SLC9B2: variants seen among roughly 807,000 people sequenced by gnomAD.
SLC9B2 encodes solute carrier family 9 member B2.
In SLC9B2, 39 loss-of-function variants were observed where a neutral mutation model predicts 52.2. That is an observed-to-expected ratio of 0.75 (90% CI 0.58 to 0.98). The LOEUF (loss-of-function observed/expected upper bound fraction) is 0.98. SLC9B2 is among the 50% of genes least tolerant of loss of function. The pLI, the probability that SLC9B2 is intolerant of heterozygous loss-of-function variation, is 0.00. For synonymous variants in SLC9B2, 214 were observed against 227.0 expected, an observed-to-expected ratio of 0.94 and a Z score of 0.51; for missense variants, 626 against 637.5, an observed-to-expected ratio of 0.98 and a Z score of 0.19.
At chr4:103,045,291 A>G (rs1043177495) in intron 7 of SLC9B2, among the ~76,000 whole-genome samples, 2 of 152,146 alleles carry the variant, frequency 1.3e-5, no homozygotes, top group Admixed American at 1.3e-4. Context: ...AAATGTACTA[A>G]CTGGTTTCTG....
At position 103,023,471 on chromosome 4, in the gene SLC9B2, G is replaced by A. The variant is rs1347189641; in HGVS notation, c.*2899C>T. On this transcript the variant is annotated 3_prime_UTR_variant, in exon 12 of 12. Coordinates refer to ENST00000394785, the MANE Select transcript of SLC9B2 (RefSeq NM_178833.7). Reference sequence around the variant, plus strand: ...TTCACCAACCAAGTCAAGAGATGTGGCTTTCAATGTGGTGACAAACCCCGG... The same window carrying A: ...TTCACCAACCAAGTCAAGAGATGTGACTTTCAATGTGGTGACAAACCCCGG... Among the ~76,000 whole-genome samples the A allele has an allele frequency of 6.6e-6, 1 of 152,168 alleles. No homozygotes were observed. The highest frequency in any genetic ancestry group is 2.4e-5 in the African/African-American group (1 of 41,428).
At chr4:103,076,090 C>A (rs943765309) in intron 1 of SLC9B2, 94 bp downstream of exon 1, 1 of 152,310 alleles carries the variant, frequency 6.6e-6, no homozygotes. Flanking sequence ...AAAGGCTGGG[C>A]CCCTCGCTCG....
At chr4:103,063,420 C>T (rs984087325) in intron 3 of SLC9B2, among the ~76,000 whole-genome samples, 3 of 152,090 alleles carry the variant, frequency 2.0e-5, no homozygotes, top group Non-Finnish European at 4.4e-5. Flanking sequence ...GTAAACATGT[C>T]TTTCAGAGCC....
At chr4:103,064,699 T>G (rs926769527) in intron 3 of SLC9B2, among the ~76,000 whole-genome samples, 1 of 152,168 alleles carries the variant, frequency 6.6e-6, no homozygotes, top group African/African-American at 2.4e-5. Flanking sequence ...ATTAGCTAGA[T>G]TTGATCATTA....
downstream of SLC9B2, among the ~76,000 whole-genome samples, chr4:103,018,921 A>T (rs1405443994): frequency 2.0e-5 from 3 of 152,200 alleles, no homozygotes; most frequent in Non-Finnish European, 4.4e-5. Flanking sequence ...TTAGATTCTC[A>T]TAGGAGCACA....
chr4:103,034,018 A>G (rs1742931279), intron 9 of SLC9B2, among the ~76,000 whole-genome samples: 1 of 152,206 alleles, frequency 6.6e-6, no homozygotes, highest in African/African-American at 2.4e-5. Flanking sequence ...AAGCAAAAGG[A>G]GCAAATCCAG....
At chr4:103,028,969 A>T in intron 10 of SLC9B2, 86 bp from the exon 11 acceptor site, 2 of 1,148,040 alleles carry the variant, frequency 1.7e-6, no homozygotes, top group Non-Finnish European at 2.4e-6. Flanking sequence ...ATAACCATCA[A>T]CAGAAATAAT....
At chr4:103,027,171 C>T (rs1426468623) in intron 11 of SLC9B2, among the ~76,000 whole-genome samples, 1 of 152,098 alleles carries the variant, frequency 6.6e-6, no homozygotes, top group Non-Finnish European at 1.5e-5. Context: ...AAAGCAAATC[C>T]AGAATCACAA....
In SLC9B2 at chr4:103,050,338, T is replaced by G; in HGVS notation, c.487A>C (p.Asn163His). The change falls in exon 5 of 12, where the codon AAC becomes CAC. Residue 163 changes from asparagine (N) to histidine (H), a missense_variant. Transcript: ENST00000394785. Reference protein sequence around the residue: ...GFLIRNIPVINDNVQIKHKWS... With the variant: ...GFLIRNIPVIHDNVQIKHKWS... ...TTGTGCTTGATCTGCACATTATCGT[T>G]GATGACTGGGATATTTCTGATGAGA... The G allele has an allele frequency of 2.5e-6, 4 of 1,609,322 alleles. No homozygotes were observed. The highest frequency in any genetic ancestry group is 3.4e-6 in the Non-Finnish European group (4 of 1,177,940).
intron 3 of SLC9B2, among the ~76,000 whole-genome samples, chr4:103,059,614 T>C (rs1013168686): frequency 3.9e-5 from 6 of 152,186 alleles, no homozygotes; most frequent in Non-Finnish European, 8.8e-5. Flanking sequence ...GCTTTATCTT[T>C]AATTGTAAGA....
chr4:103,030,953 C>T (rs1742643537), intron 10 of SLC9B2, among the ~76,000 whole-genome samples: 3 of 152,024 alleles, frequency 2.0e-5, no homozygotes, highest in South Asian at 2.1e-4. Context: ...TGGCTTATTT[C>T]GCTTAGCATA....
In SLC9B2 at chr4:103,028,782, T is replaced by G; in HGVS notation, c.1357A>C (p.Ile453Leu). 2.5e-6 allele frequency: 4 copies of G among 1,608,892 alleles called. No homozygotes were observed. Among genetic ancestry groups the G allele is most frequent in the South Asian group, 1.1e-5 (1 of 90,174 alleles). ...GCCTTTGGAAGCCATGCAAAAGAAA[T>G]AAATATCTTTTCTTTTAAGTTAAAA... Reference protein sequence around the residue: ...AGFNLKEKIFISFAWLPKATV... With the variant: ...AGFNLKEKIFLSFAWLPKATV... Residue 453 changes from isoleucine to leucine, a missense_variant, in exon 11 of 12, where the codon ATT becomes CTT. By Grantham distance (5) the Ile-to-Leu change is conservative. Coordinates refer to ENST00000394785, the MANE Select transcript of SLC9B2 (RefSeq NM_178833.7).
chr4:103,060,884 T>C (rs898037976), intron 3 of SLC9B2, among the ~76,000 whole-genome samples: 2 of 152,226 alleles, frequency 1.3e-5, no homozygotes, highest in Admixed American at 6.5e-5. Context: ...AACATTTTTA[T>C]TGGCGACTCC....
intron 10 of SLC9B2, among the ~76,000 whole-genome samples, chr4:103,030,856 C>T (rs1450012337): frequency 1.3e-5 from 2 of 152,040 alleles, no homozygotes; most frequent in Non-Finnish European, 2.9e-5. Flanking sequence ...CCCTTTACTC[C>T]CAGCCCCTGG....
intron 1 of SLC9B2, among the ~76,000 whole-genome samples, chr4:103,072,917 C>T (rs902627406): frequency 6.6e-6 from 1 of 152,102 alleles, no homozygotes; most frequent in African/African-American, 2.4e-5. Flanking sequence ...CAGCACTCAA[C>T]CCTCATGAAT....
downstream of SLC9B2, among the ~76,000 whole-genome samples, chr4:103,018,494 T>C (rs963427304): frequency 1.3e-5 from 2 of 152,216 alleles, no homozygotes; most frequent in Non-Finnish European, 2.9e-5. Flanking sequence ...ATGAATTCTC[T>C]AGGGGTGACA....
intron 1 of SLC9B2, among the ~76,000 whole-genome samples, chr4:103,071,505 C>A (rs1345456134): frequency 6.6e-6 from 1 of 151,930 alleles, no homozygotes. Context: ...CTGCCTCAGC[C>A]TCCTGAGGGA....
Position 103,028,722 on chromosome 4 carries a change from TGCTAA to T in SLC9B2, c.1392+20_1392+24del. 6.3e-7 allele frequency: 1 copy of T among 1,585,282 alleles called. No individual in the cohort carries two copies. Among genetic ancestry groups the T allele is most frequent in the South Asian group, 1.2e-5 (1 of 85,278 alleles). On this transcript the variant is annotated intron_variant, in intron 11 of 11. Coordinates refer to ENST00000394785, the MANE Select transcript of SLC9B2 (RefSeq NM_178833.7). Reference sequence around the variant, plus strand: ...TGTCATGCAGAAATAGCAGTTAAAATGCTAAGCCATCCTATCCATCATACCTGAAC... The same window carrying T: ...TGTCATGCAGAAATAGCAGTTAAAATGCCATCCTATCCATCATACCTGAAC...
chr4:103,055,994 C>A (rs543797230), intron 4 of SLC9B2, among the ~76,000 whole-genome samples: 1 of 151,434 alleles, frequency 6.6e-6, no homozygotes, highest in African/African-American at 2.4e-5. Flanking sequence ...TTAGTAGAGA[C>A]GGGATTTTAC....
Sources: allele counts gnomAD v4.1 joint callset (sites outside exome capture counted in the v4.1 genomes callset), GRCh38; gene constraint gnomAD v4.1.1; transcripts MANE v1.5; gene names NCBI Gene and HGNC (gene_info 2026-07-23, HGNC 2026-07-21).